SBF1: variants seen among roughly 807,000 people sequenced by gnomAD.
SBF1 encodes SET binding factor 1.
In SBF1, 65 loss-of-function variants were observed where a neutral mutation model predicts 215.8. The observed-to-expected ratio is 0.30, with a 90% CI of 0.25 to 0.37. The LOEUF is 0.37. SBF1 is among the 10% of genes least tolerant of loss of function. The pLI is 1.00. For synonymous variants in SBF1, 1,410 were observed against 1,122.8 expected (o/e 1.26, Z -5.11); for missense variants, 2,634 against 2,667.8 (o/e 0.99, Z 0.28).
intron 36 of SBF1, among the ~76,000 whole-genome samples, chr22:50,451,193 A>G (rs1448795298): frequency 1.4e-5 from 2 of 139,352 alleles, no homozygotes; most frequent in Admixed American, 7.3e-5. Context: ...AAAAAAAAAA[A>G]GTAGCCGGCA....
In SBF1 at chr22:50,466,955, C is replaced by T. The variant is rs2067790327; in HGVS notation, c.550-245G>A. 1.1e-5 allele frequency: 6 copies of T among 551,928 alleles called. 1 individual carries two copies. Among genetic ancestry groups the T allele is most frequent in the Admixed American group, 1.0e-4 (3 of 28,608 alleles). The allele number at this position is 551,928 out of a possible 1,614,324, so 34.2% of individuals were successfully genotyped here. On this transcript the variant is annotated intron_variant, in intron 5 of 40. Coordinates refer to ENST00000380817, the MANE Select transcript of SBF1 (RefSeq NM_002972.4). ...GGGGTAGGGATGGGGCCTAGGTGGG[C>T]GGAAGAAACAAAGAATCCATACCGC...
intron 23 of SBF1, 72 bp from the exon 24 acceptor site, chr22:50,460,784 G>A: frequency 9.4e-6 from 14 of 1,493,806 alleles, no homozygotes; most frequent in South Asian, 6.0e-5. Flanking sequence ...GACACTGCCA[G>A]GCTCCCCTTC....
intron 38 of SBF1, among the ~76,000 whole-genome samples, 160 bp from the exon 39 acceptor site, chr22:50,447,769 AAAG>A (rs758507787): frequency 4.6e-5 from 7 of 152,216 alleles, no homozygotes; most frequent in East Asian, 1.9e-4. Context: ...AGGGGGCCAC[AAAG>A]AAGCCTTTGA....
intron 26 of SBF1, 28 bp from the exon 27 acceptor site, chr22:50,459,694 G>C (rs1270953887): frequency 7.0e-6 from 11 of 1,570,390 alleles, no homozygotes; most frequent in African/African-American, 1.4e-5. Flanking sequence ...CGTGAAGGTG[G>C]CTGGCGACCC....
Position 50,465,078 on chromosome 22 carries a change from C to A in SBF1, c.1255G>T (p.Val419Leu). The A allele has an allele frequency of 2.5e-6, 4 of 1,614,108 alleles. No homozygotes were observed. Among genetic ancestry groups the A allele is most frequent in the Non-Finnish European group, 3.4e-6 (4 of 1,180,012 alleles). Residue 419 changes from valine (V) to leucine (L), a missense_variant, in exon 12 of 41, where the codon GTG becomes TTG. Coordinates refer to ENST00000380817, the MANE Select transcript of SBF1 (RefSeq NM_002972.4). ...CCAGCAAAGGCCATGCCCTCCAGCA[C>A]CTTCATCAGGAAATCGTCCTCTACC... ...GLVEDDFLMK[V>L]LEGMAFAGFV...
chr22:50,448,520 C>T lies in SBF1; in HGVS notation c.5151+23G>A, dbSNP rs146468883. On this transcript the variant is annotated intron_variant, in intron 37 of 40. Coordinates refer to ENST00000380817, the MANE Select transcript of SBF1 (RefSeq NM_002972.4). ...CTCCCAGCAACACGCCCACCGTGGA[C>T]GCTCACACTGGCCCTCACTCACACG... The T allele has an allele frequency of 2.7e-4, 427 of 1,610,374 alleles. No homozygotes were observed. In the African/African-American group the frequency reaches 4.0e-3, roughly 15 times the overall value.
chr22:50,457,572 G>T (rs76745123), intron 28 of SBF1, among the ~76,000 whole-genome samples: 15,295 of 152,286 alleles, frequency 0.1, 1,072 homozygotes, highest in African/African-American at 0.19. Flanking sequence ...TGGAGAAGAG[G>T]CGACCTGGAG....
At position 50,460,086 on chromosome 22, in the gene SBF1, G is replaced by A. The variant is rs368930500; in HGVS notation, c.3357C>T (p.Ser1119=). 137 of 1,613,708 alleles carry A rather than the reference G, an allele frequency of 8.5e-5. No individual in the cohort carries two copies. The highest frequency in any genetic ancestry group is 1.2e-4 in the Non-Finnish European group (136 of 1,179,990). Residue 1119 remains serine (S), a synonymous_variant, in exon 26 of 41, where the codon AGC becomes AGT. Coordinates refer to ENST00000380817, the MANE Select transcript of SBF1 (RefSeq NM_002972.4). ...GACAGCAAGCCCTTTCCACCAGGCT[G>A]CTCATGGTCATGCGGTCGGAGGGCT... ...ALKPSDRMTM[S]SLVERACCRD...
Position 50,462,609 on chromosome 22 carries a change from G to A in SBF1, c.2077C>T (p.His693Tyr). 1.2e-6 allele frequency: 2 copies of A among 1,612,620 alleles called. No individual in the cohort carries two copies. Among genetic ancestry groups the A allele is most frequent in the Non-Finnish European group, 1.7e-6 (2 of 1,179,744 alleles). The change falls in exon 18 of 41, where the codon CAC becomes TAC. Residue 693 changes from histidine to tyrosine, a missense_variant. His to Tyr is a moderately conservative substitution (Grantham distance 83). Coordinates refer to ENST00000380817, the MANE Select transcript of SBF1 (RefSeq NM_002972.4). ...EAMFYGDVQTHIRALYLEPTE... is the reference protein window; with the variant it reads ...EAMFYGDVQTYIRALYLEPTE... Reference sequence around the variant, plus strand: ...GGCTCCAGGTAGAGGGCCCGGATGTGAGTCTGCACATCCCCATAGAACATG... The same window carrying A: ...GGCTCCAGGTAGAGGGCCCGGATGTAAGTCTGCACATCCCCATAGAACATG...
At chr22:50,463,190 C>T (rs191952407) in intron 16 of SBF1, 93 bp downstream of exon 16, 21 of 1,509,636 alleles carry the variant, frequency 1.4e-5, no homozygotes, top group East Asian at 4.8e-5. Flanking sequence ...TCTCTTGCAC[C>T]GTCTCTCCAC....
rs770637387 is a variant in SBF1, at chr22:50,460,135, G to A, written c.3308C>T (p.Thr1103Met). 15 of 1,612,174 alleles carry A rather than the reference G, an allele frequency of 9.3e-6. No individual in the cohort carries two copies. Among genetic ancestry groups the A allele is most frequent in the African/African-American group, 4.0e-5 (3 of 74,924 alleles). Residue 1103 changes from threonine to methionine, a missense_variant, in exon 26 of 41, where the codon ACG becomes ATG. By Grantham distance (81) the Thr-to-Met change is moderately conservative. Transcript: ENST00000380817. ...ISVSEELEPS[T>M]LTPSSALKPS... ...CTTCAGGGCTGAGGACGGGGTCAGC[G>A]TGCTGGGCTCCAGCTCCTCCGACAC...
In SBF1 at chr22:50,467,862, G is replaced by A; in HGVS notation, c.203C>T (p.Ala68Val). The A allele has an allele frequency of 1.2e-6, 2 of 1,614,004 alleles. No homozygotes were observed. Among genetic ancestry groups the A allele is most frequent in the Non-Finnish European group, 8.5e-7 (1 of 1,179,962 alleles). Reference protein sequence around the residue: ...PERNPPTFFVAVLTDINSERH... With the variant: ...PERNPPTFFVVVLTDINSERH... ...CTCGGAGTTGATGTCGGTGAGGACA[G>A]CAACAAAGAAGGTCGGTGGATTCCT... Residue 68 changes from alanine to valine, a missense_variant, in exon 3 of 41, where the codon GCT becomes GTT. Coordinates refer to ENST00000380817, the MANE Select transcript of SBF1 (RefSeq NM_002972.4).
rs369497718 is a variant in SBF1, at chr22:50,454,560, G to A, written c.4995C>T (p.Tyr1665=). ...QSRRRVVWPC[Y]DSCPRAQPDA... ...CAGGCTGGGCCCGCGGGCAGCTGTC[G>A]TAACAGGGCCACACCACGCGGCGCC... Residue 1665 remains tyrosine (Y), a synonymous_variant, in exon 36 of 41, where the codon TAC becomes TAT. Transcript: ENST00000380817. 129 of 1,611,656 alleles carry A rather than the reference G, an allele frequency of 8.0e-5. No individual in the cohort carries two copies. The African/African-American group carries it at 1.2e-3, about 15-fold the overall frequency.
In SBF1 at chr22:50,474,768, C is replaced by T; in HGVS notation, c.55+18G>A. The T allele has an allele frequency of 6.8e-7, 1 of 1,464,304 alleles. No individual in the cohort carries two copies. Among genetic ancestry groups the T allele is most frequent in the Non-Finnish European group, 9.0e-7 (1 of 1,112,114 alleles). The allele number at this position is 1,464,304 out of a possible 1,614,324, so 90.7% of individuals were successfully genotyped here. A position where few individuals can be genotyped will look rare whatever the true frequency, so the allele number is the denominator to read the frequency against. On this transcript the variant is annotated intron_variant, in intron 1 of 40. Transcript: ENST00000380817. ...GACCCTCGGCCCCCGGCCCTCAGCG[C>T]TTGGCCTCGGCACTCACCGCGCGGG...
Position 50,455,281 on chromosome 22 carries a change from G to A in SBF1, c.4497C>T (p.Ala1499=), listed in dbSNP as rs377500587. ...CGGGTGTGAAGCCGCTGCTCTGCCC[G>A]GCCAGGGTGTGAGCTCCACGGTGGC... ...RFSHRGAHTL[A]GQSSGFTPVF... is the part of the protein sequence containing the mutation. Residue 1499 remains alanine (A), a synonymous_variant, in exon 33 of 41, where the codon GCC becomes GCT. Transcript: ENST00000380817. The A allele has an allele frequency of 2.0e-5, 33 of 1,613,458 alleles. 2 individuals carry two copies. In the Middle Eastern group the frequency reaches 1.5e-3, roughly 73 times the overall value.
At chr22:50,454,416 C>T (rs1311037922) in intron 36 of SBF1, 96 bp downstream of exon 36, 9 of 1,081,612 alleles carry the variant, frequency 8.3e-6, no homozygotes, top group South Asian at 2.7e-5. Flanking sequence ...ACCGGACTTA[C>T]GTGCATGTAC....
chr22:50,446,737 G>A lies in SBF1; in HGVS notation c.*405C>T. ...CTCCCGCCAGGTGGGCCTGGATAGG[G>A]GCAGATGGGACCCTCTGGGTAGGCC... is the stretch of plus-strand genomic sequence containing the variant. On this transcript the variant is annotated 3_prime_UTR_variant, in exon 41 of 41. Coordinates refer to ENST00000380817, the MANE Select transcript of SBF1 (RefSeq NM_002972.4). The A allele has an allele frequency of 2.1e-6, 1 of 481,788 alleles. No homozygotes were observed. The highest frequency in any genetic ancestry group is 4.1e-6 in the Non-Finnish European group (1 of 244,988). 29.8% of individuals were successfully genotyped at this position (481,788 alleles called of 1,614,324 possible).
intron 1 of SBF1, among the ~76,000 whole-genome samples, chr22:50,472,305 C>T (rs906228164): frequency 6.6e-6 from 1 of 152,196 alleles, no homozygotes; most frequent in African/African-American, 2.4e-5. Flanking sequence ...CTCATGCACC[C>T]TCAGCACCCT....
At position 50,446,913 on chromosome 22, in the gene SBF1, G is replaced by A. The variant is rs763287248; in HGVS notation, c.*229C>T. Reference sequence around the variant, plus strand: ...GCCGGACTATTTACAGGCCCATTGCGGGCTGTACCTTGGCCACCTCCCGGC... The same window carrying A: ...GCCGGACTATTTACAGGCCCATTGCAGGCTGTACCTTGGCCACCTCCCGGC... On this transcript the variant is annotated 3_prime_UTR_variant, in exon 41 of 41. Transcript: ENST00000380817. The A allele has an allele frequency of 6.3e-5, 46 of 729,702 alleles. No individual in the cohort carries two copies. Among genetic ancestry groups the A allele is most frequent in the South Asian group, 2.2e-4 (15 of 69,740 alleles). The allele number at this position is 729,702 out of a possible 1,614,324, so 45.2% of individuals were successfully genotyped here.
Sources: gnomAD v4.1 joint callset for allele counts (sites outside exome capture counted in the v4.1 genomes callset) on GRCh38, gnomAD v4.1.1 for gene constraint, MANE v1.5 for transcripts, NCBI Gene and HGNC (gene_info 2026-07-23, HGNC 2026-07-21) for gene names.